The following GPS1 variants were observed in gnomAD, a reference collection of about 807,000 sequenced individuals.
GPS1 encodes G protein pathway suppressor 1, also known as COP9 signalosome complex subunit 1.
Under a neutral mutation model 60.0 loss-of-function variants are expected in GPS1, and 11 were observed. The observed-to-expected ratio is 0.18, with a 90% confidence interval of 0.12 to 0.30. The LOEUF (loss-of-function observed/expected upper bound fraction) is 0.30, where lower values mean the gene tolerates loss of function less well. GPS1 is among the 10% of genes least tolerant of loss of function. The probability of loss-of-function intolerance (pLI) is 1.00; values close to 1 mark genes in which losing one functional copy is unlikely to be tolerated. For synonymous variants in GPS1, 343 were observed against 269.8 expected (o/e 1.27, Z -2.66); for missense variants, 543 against 669.2 (o/e 0.81, Z 2.08).
chr17:82,050,975 CTT>C, upstream of GPS1: 6 of 1,427,882 alleles, frequency 4.2e-6, no homozygotes, highest in East Asian at 2.5e-5. Flanking sequence ...GTTGGGATCT[CTT>C]GAGTGGAAAC....
intron 1 of GPS1, chr17:82,052,281 CG>C (rs767568919): frequency 2.2e-5 from 35 of 1,612,320 alleles, no homozygotes; most frequent in Non-Finnish European, 2.9e-5. Flanking sequence ...GTGTCAGGGT[CG>C]GGGGGTGCAG....
Position 82,054,010 on chromosome 17 carries a change from T to C in GPS1, c.269T>C (p.Met90Thr), listed in dbSNP as rs147514545. Residue 90 changes from methionine (M) to threonine (T), a missense_variant, in exon 3 of 13, where the codon ATG becomes ACG. Physicochemically the swap from Met to Thr is moderately conservative, Grantham distance 81. Transcript: ENST00000578552. ...GTGCAGAGAACCTTTAACGTGGACATGTACGAGGAGATCCACCGCAAGCTC... is the reference window on the plus strand; with the variant it reads ...GTGCAGAGAACCTTTAACGTGGACACGTACGAGGAGATCCACCGCAAGCTC... ...SFVQRTFNVD[M>T]YEEIHRKLSE... The C allele has an allele frequency of 4.5e-5, 72 of 1,612,476 alleles. No homozygotes were observed. In the African/African-American group the frequency reaches 7.6e-4, roughly 17 times the overall value.
chr17:82,052,441 C>CA, intron 1 of GPS1: 1 of 1,611,716 alleles, frequency 6.2e-7, no homozygotes, highest in Non-Finnish European at 8.5e-7. Context: ...GCCTGTCGGC[C>CA]TGTACGCTGC....
intron 11 of GPS1, 23 bp downstream of exon 11, chr17:82,056,789 T>C: frequency 6.2e-7 from 1 of 1,603,588 alleles, no homozygotes; most frequent in Non-Finnish European, 8.5e-7. Flanking sequence ...TGCGGGGCGG[T>C]GGGGGCAGCT....
chr17:82,055,170 A>G lies in GPS1; in HGVS notation c.696A>G (p.Gly232=). The G allele has an allele frequency of 1.3e-6, 2 of 1,563,378 alleles. No individual in the cohort carries two copies. The highest frequency in any genetic ancestry group is 1.7e-6 in the Non-Finnish European group (2 of 1,154,142). ...ESTPEIAEQR[G]ERDSQTQAIL... ...GTGGCTTCCTCCTACAGCAGCGAGG[A>G]GAGCGTGACAGCCAGACCCAGGCCA... The change falls in exon 6 of 13, where the codon GGA becomes GGG. Residue 232 remains glycine, a synonymous_variant. Coordinates refer to ENST00000578552, the MANE Select transcript of GPS1 (RefSeq NM_001321092.3).
intron 2 of GPS1, 186 bp from the exon 3 acceptor site, chr17:82,053,682 C>A: frequency 1.6e-6 from 1 of 624,100 alleles, no homozygotes; most frequent in Middle Eastern, 4.4e-4. Context: ...CTGCGCCAGG[C>A]CCACCCCAGC....
In GPS1 at chr17:82,055,238, A is replaced by C; in HGVS notation, c.748+16A>C. ...TGTGCCGCAGGTGAGGGCCTGGGTCACGCCCAGCTGACCCCACGTTCCCCT... is the reference window on the plus strand; with the variant it reads ...TGTGCCGCAGGTGAGGGCCTGGGTCCCGCCCAGCTGACCCCACGTTCCCCT... On this transcript the variant is annotated intron_variant, in intron 6 of 12. Transcript: ENST00000578552. 6.4e-7 allele frequency: 1 copy of C among 1,551,310 alleles called. No individual in the cohort carries two copies. The highest frequency in any genetic ancestry group is 8.7e-7 in the Non-Finnish European group (1 of 1,147,366).
chr17:82,052,324 C>T (rs1304435972), intron 1 of GPS1: 4 of 1,613,052 alleles, frequency 2.5e-6, no homozygotes, highest in Non-Finnish European at 3.4e-6. Context: ...ATAGCTCGGC[C>T]CCCAGCTCGG....
intron 1 of GPS1, 145 bp downstream of exon 1, chr17:82,052,109 G>A: frequency 1.2e-6 from 1 of 816,726 alleles, no homozygotes. Context: ...AGCGCGCGTC[G>A]GGGGCTGCAG....
intron 1 of GPS1, chr17:82,052,701 G>A: frequency 1.8e-6 from 1 of 554,050 alleles, no homozygotes. Context: ...GGCTTTTCCA[G>A]CCTGCTTTGT....
At chr17:82,055,701 C>T (rs954226630) in intron 6 of GPS1, 39 bp from the exon 7 acceptor site, 5 of 1,331,920 alleles carry the variant, frequency 3.8e-6, no homozygotes, top group African/African-American at 2.9e-5. Flanking sequence ...GGGGTCTTAC[C>T]CCCTCTCCCC....
At chr17:82,054,105 C>T in intron 3 of GPS1, 56 bp downstream of exon 3, 1 of 1,521,024 alleles carries the variant, frequency 6.6e-7, no homozygotes, top group South Asian at 1.3e-5. Flanking sequence ...GCGCGGGTGT[C>T]TGGGACTGGG....
Position 82,054,668 on chromosome 17 carries a change from G to A in GPS1, c.467G>A (p.Ser156Asn). 6.2e-7 allele frequency: 1 copy of A among 1,611,308 alleles called. No individual in the cohort carries two copies. Among genetic ancestry groups the A allele is most frequent in the Non-Finnish European group, 8.5e-7 (1 of 1,179,886 alleles). ...TACAAGGGCAACTCCATCAAAGAGAGCATCCGGCGCGGCCACGACGACCTG... is the reference window on the plus strand; with the variant it reads ...TACAAGGGCAACTCCATCAAAGAGAACATCCGGCGCGGCCACGACGACCTG... The part of the protein sequence containing the change: ...KNYKGNSIKE[S>N]IRRGHDDLGD... The change falls in exon 4 of 13, where the codon AGC becomes AAC. Residue 156 changes from serine to asparagine, a missense_variant. Ser to Asn is a conservative substitution (Grantham distance 46, BLOSUM62 1). This residue lies in a region of GPS1 where 71 missense variants were observed against 126.7 expected (regional missense o/e 0.56). Coordinates refer to ENST00000578552, the MANE Select transcript of GPS1 (RefSeq NM_001321092.3).
rs2033041471 is a variant in GPS1, at chr17:82,057,273, G to A, written c.*146G>A. The A allele has an allele frequency of 9.5e-7, 1 of 1,051,084 alleles. No homozygotes were observed. The highest frequency in any genetic ancestry group is 1.6e-5 in the African/African-American group (1 of 63,524). 65.1% of individuals were successfully genotyped at this position (1,051,084 alleles called of 1,614,324 possible). The stretch of plus-strand genomic sequence containing the variant: ...CAGCCTGTGTGCCCTCCCTGGGGCT[G>A]AGGAGGCAGGCGGCTGCTAGTTGTG... On this transcript the variant is annotated 3_prime_UTR_variant, in exon 13 of 13. Transcript: ENST00000578552.
chr17:82,054,576 C>G lies in GPS1; in HGVS notation c.375C>G (p.Ala125=). 6.2e-7 allele frequency: 1 copy of G among 1,600,166 alleles called. No individual in the cohort carries two copies. Among genetic ancestry groups the G allele is most frequent in the South Asian group, 1.1e-5 (1 of 89,914 alleles). ...SGVEPPALDT[A]WVEATRKKAL... is the part of the protein sequence containing the mutation. ...TGGAGCCCCCAGCCCTGGACACGGC[C>G]TGGGTGGAGGCCACGCGGAAGAAGG... is the stretch of plus-strand genomic sequence containing the variant. The change falls in exon 4 of 13, where the codon GCC becomes GCG. Residue 125 remains alanine (A), a synonymous_variant. Transcript: ENST00000578552.
At chr17:82,052,311 G>A (rs748551957) in intron 1 of GPS1, 1 of 1,613,034 alleles carries the variant, frequency 6.2e-7, no homozygotes. Flanking sequence ...GACAGAATGA[G>A]GGATAGCTCG....
chr17:82,051,452 G>C (rs778488967), upstream of GPS1: 151 of 1,341,462 alleles, frequency 1.1e-4, 3 homozygotes, highest in Admixed American at 3.6e-3. This position sits in a 1 kb window ranked among gnomAD's most constrained non-coding sequence, Gnocchi z 4.1. Flanking sequence ...CCTGGGAGGC[G>C]GGGCGGGTGG....
intron 3 of GPS1, 75 bp from the exon 4 acceptor site, chr17:82,054,435 T>C: frequency 7.0e-7 from 1 of 1,433,960 alleles, no homozygotes; most frequent in South Asian, 1.5e-5. Flanking sequence ...GAGGGCAGCC[T>C]GAGATTGGCG....
chr17:82,054,600 G>A lies in GPS1; in HGVS notation c.399G>A (p.Lys133=), dbSNP rs768201465. ...CCTGGGTGGAGGCCACGCGGAAGAA[G>A]GCGCTGCTGAAGCTGGAGAAGCTGG... ...DTAWVEATRK[K]ALLKLEKLDT... The change falls in exon 4 of 13, where the codon AAG becomes AAA. Residue 133 remains lysine, a synonymous_variant. Coordinates refer to ENST00000578552, the MANE Select transcript of GPS1 (RefSeq NM_001321092.3). The A allele has an allele frequency of 1.2e-6, 2 of 1,606,580 alleles. No homozygotes were observed. Among genetic ancestry groups the A allele is most frequent in the Non-Finnish European group, 1.7e-6 (2 of 1,178,050 alleles).
Sources: gnomAD v4.1 joint callset for allele counts on GRCh38, gnomAD v4.1.1 for gene constraint, gnomAD v4.1.1 regional missense constraint, Gnocchi (gnomAD v3.1) non-coding constraint, MANE v1.5 for transcripts, NCBI Gene and HGNC (gene_info 2026-07-23, HGNC 2026-07-21) for gene names.